BEAN1: variants seen among roughly 807,000 people sequenced by gnomAD.
BEAN1 encodes brain expressed associated with NEDD4 1.
BEAN1 carries 17 observed loss-of-function variants against 17.7 expected under a neutral mutation model. The ratio of observed to expected loss-of-function variants is 0.96; its 90% CI spans 0.66 to 1.44. The LOEUF is 1.44. Ranked by LOEUF, BEAN1 falls within the 40% of genes most tolerant of loss-of-function variation. The pLI is 0.00. For synonymous variants in BEAN1, 142 were observed against 151.8 expected (o/e 0.94, Z 0.47); for missense variants, 359 against 374.1 (o/e 0.96, Z 0.33).
Position 66,471,441 on chromosome 16 carries a change from G to A in BEAN1, c.289+1576G>A, listed in dbSNP as rs1422843151. 1.3e-5 allele frequency among the ~76,000 whole-genome samples: 2 copies of A among 152,240 alleles called. No individual in the cohort carries two copies. The highest frequency in any genetic ancestry group is 2.9e-5 in the Non-Finnish European group (2 of 68,038). On this transcript the variant is annotated intron_variant, in intron 3 of 4. Coordinates refer to ENST00000536005, the MANE Select transcript of BEAN1 (RefSeq NM_001178020.3). This position sits in a 1 kb window ranked among gnomAD's most constrained non-coding sequence, Gnocchi z 4.7. Reference sequence around the variant, plus strand: ...CCGCTGCACAGCACTGCCCAGGAAGGGAGCTGGAGGTGTCGGGGAGACGCC... The same window carrying A: ...CCGCTGCACAGCACTGCCCAGGAAGAGAGCTGGAGGTGTCGGGGAGACGCC...
At chr16:66,460,351 G>C (rs1963036417) in intron 2 of BEAN1, among the ~76,000 whole-genome samples, 1 of 152,246 alleles carries the variant, frequency 6.6e-6, no homozygotes, top group Non-Finnish European at 1.5e-5. Context: ...TTTAGAGCCT[G>C]ATGGATGTAC....
downstream of BEAN1, among the ~76,000 whole-genome samples, chr16:66,486,562 C>A (rs181753137): frequency 6.6e-6 from 1 of 152,152 alleles, no homozygotes; most frequent in South Asian, 2.1e-4. Flanking sequence ...GCCAGGATTA[C>A]GGTCTCTGGC....
intron 4 of BEAN1, among the ~76,000 whole-genome samples, chr16:66,490,535 G>C (rs1964163034): frequency 1.3e-5 from 2 of 151,924 alleles, no homozygotes; most frequent in African/African-American, 4.8e-5. Flanking sequence ...CCTAAGAATT[G>C]GCCACCCAGG....
intron 2 of BEAN1, among the ~76,000 whole-genome samples, chr16:66,448,223 TTG>T (rs1403778097): frequency 1.1e-5 from 1 of 87,706 alleles, no homozygotes; most frequent in African/African-American, 5.6e-5. Flanking sequence ...GTTGTTGTTG[TTG>T]TTGTTTGTTG....
chr16:66,438,502 C>A (rs1596981224), intron 2 of BEAN1, among the ~76,000 whole-genome samples: 1 of 152,246 alleles, frequency 6.6e-6, no homozygotes, highest in Non-Finnish European at 1.5e-5. Flanking sequence ...TGGTGTTCCC[C>A]AGAACACACT....
chr16:66,437,467 C>T, intron 1 of BEAN1, 128 bp from the exon 2 acceptor site: 2 of 604,908 alleles, frequency 3.3e-6, no homozygotes, highest in Non-Finnish European at 5.8e-6. Flanking sequence ...AGACTAGGCA[C>T]GTGCTCTCAA....
intron 2 of BEAN1, among the ~76,000 whole-genome samples, chr16:66,448,182 C>T (rs1432070528): frequency 6.6e-6 from 1 of 151,968 alleles, no homozygotes; most frequent in Non-Finnish European, 1.5e-5. Flanking sequence ...ACCGAGAATT[C>T]CTTTCCTAGA....
At chr16:66,492,572 T>C (rs1002705780) in intron 4 of BEAN1, among the ~76,000 whole-genome samples, 2 of 151,958 alleles carry the variant, frequency 1.3e-5, no homozygotes, top group Non-Finnish European at 2.9e-5. Flanking sequence ...CCCAAACAGC[T>C]GGGATTACAG....
downstream of BEAN1, chr16:66,485,338 C>T (rs1282743585): frequency 4.2e-5 from 15 of 355,214 alleles, no homozygotes; most frequent in African/African-American, 1.5e-4. Context: ...AGCTTGTGCA[C>T]GTACACACTT....
At chr16:66,492,467 T>TCTCG (rs1285799574) in intron 4 of BEAN1, among the ~76,000 whole-genome samples, 1 of 151,784 alleles carries the variant, frequency 6.6e-6, no homozygotes, top group Non-Finnish European at 1.5e-5. Flanking sequence ...TGAGATGGAG[T>TCTCG]CTCGCTGTGT....
At chr16:66,450,186 A>C (rs532858429) in intron 2 of BEAN1, among the ~76,000 whole-genome samples, 2 of 150,746 alleles carry the variant, frequency 1.3e-5, no homozygotes, top group South Asian at 4.2e-4. Context: ...TCACTGTGCA[A>C]GAATGAAAGC....
At chr16:66,484,469 C>A, downstream of BEAN1, 1 of 395,268 alleles carries the variant, frequency 2.5e-6, no homozygotes, top group Non-Finnish European at 5.0e-6. This position sits in a 1 kb window ranked among gnomAD's most constrained non-coding sequence, Gnocchi z 4.2. Flanking sequence ...CATTCAAGGT[C>A]CTTTGCACAT....
chr16:66,439,485 G>C (rs2344917), intron 2 of BEAN1, among the ~76,000 whole-genome samples: 55,616 of 152,080 alleles, frequency 0.37, 11,348 homozygotes, highest in Non-Finnish European at 0.46. Flanking sequence ...GGGATGCTGA[G>C]TGCGGAGGGC....
chr16:66,437,371 C>T (rs73592633), intron 1 of BEAN1, among the ~76,000 whole-genome samples: 3,778 of 152,212 alleles, frequency 0.025, 151 homozygotes, highest in African/African-American at 0.087. Context: ...CACCACCCCC[C>T]ACCACTGGGA....
At chr16:66,490,094 T>A (rs1964143730) in intron 4 of BEAN1, among the ~76,000 whole-genome samples, 1 of 151,256 alleles carries the variant, frequency 6.6e-6, no homozygotes, top group Non-Finnish European at 1.5e-5. Context: ...AAGACCCAGG[T>A]CCTCAGCCAG....
intron 4 of BEAN1, among the ~76,000 whole-genome samples, chr16:66,480,313 G>A (rs534687698): frequency 1.6e-4 from 24 of 152,266 alleles, no homozygotes; most frequent in African/African-American, 1.7e-4. Context: ...CTGCTGTTTC[G>A]AGGCACCGCA....
downstream of BEAN1, among the ~76,000 whole-genome samples, chr16:66,493,945 A>C (rs1377174935): frequency 2.0e-5 from 3 of 152,140 alleles, no homozygotes; most frequent in Non-Finnish European, 2.9e-5. Flanking sequence ...GCCAGAGCCA[A>C]CTGGTGATGA....
chr16:66,463,683 C>T (rs868818018), intron 2 of BEAN1, among the ~76,000 whole-genome samples: 4 of 152,088 alleles, frequency 2.6e-5, no homozygotes, highest in Admixed American at 1.3e-4. Context: ...CTTCTGGTGT[C>T]GTATCTAAGA....
Position 66,480,889 on chromosome 16 carries a change from C to T in BEAN1, c.744C>T (p.Thr248=). ...PRGSQGSPTP[T]RAPASGPERI... The stretch of plus-strand genomic sequence containing the variant: ...GCTCCCAGGGCTCACCCACCCCAAC[C>T]CGGGCCCCAGCCTCTGGCCCAGAGA... The change falls in exon 5 of 5, where the codon ACC becomes ACT. Residue 248 remains threonine (T), a synonymous_variant. Transcript: ENST00000536005. 6.8e-7 allele frequency: 1 copy of T among 1,467,594 alleles called. No homozygotes were observed. The highest frequency in any genetic ancestry group is 9.1e-7 in the Non-Finnish European group (1 of 1,104,804). 90.9% of individuals were successfully genotyped at this position (1,467,594 alleles called of 1,614,324 possible).
Sources: gnomAD v4.1 joint callset for allele counts (sites outside exome capture counted in the v4.1 genomes callset) on GRCh38, gnomAD v4.1.1 for gene constraint, Gnocchi (gnomAD v3.1) non-coding constraint, MANE v1.5 for transcripts, NCBI Gene and HGNC (gene_info 2026-07-23, HGNC 2026-07-21) for gene names.